The following ARHGAP22 variants were observed in gnomAD, a reference collection of about 807,000 sequenced individuals.
ARHGAP22 encodes Rho GTPase activating protein 22.
Under a neutral mutation model 59.1 loss-of-function variants are expected in ARHGAP22, and 48 were observed. The ratio of observed to expected loss-of-function variants is 0.81; its 90% CI spans 0.64 to 1.03. The LOEUF (loss-of-function observed/expected upper bound fraction) is 1.03. Ranked by LOEUF, ARHGAP22 falls within the 50% of genes least tolerant of loss-of-function variation. The pLI, the probability that ARHGAP22 is intolerant of heterozygous loss-of-function variation, is 0.00. For missense variants in ARHGAP22, 1,015 were observed against 958.7 expected (o/e 1.06, Z -0.78); for synonymous variants, 445 against 416.4 (o/e 1.07, Z -0.84).
At chr10:48,563,762 A>G (rs1260448900) in intron 2 of ARHGAP22, among the ~76,000 whole-genome samples, 1 of 152,232 alleles carries the variant, frequency 6.6e-6, no homozygotes, top group African/African-American at 2.4e-5. Context: ...TGTAAATCTG[A>G]TATGCTATAA....
intron 8 of ARHGAP22, among the ~76,000 whole-genome samples, chr10:48,452,181 G>A (rs1036917519): frequency 6.6e-6 from 1 of 152,162 alleles, no homozygotes; most frequent in Admixed American, 6.5e-5. Flanking sequence ...CAGCGGAGGT[G>A]GGCAGTGCAG....
At chr10:48,581,988 G>A (rs746289213) in intron 2 of ARHGAP22, among the ~76,000 whole-genome samples, 25 of 152,174 alleles carry the variant, frequency 1.6e-4, no homozygotes, top group Non-Finnish European at 3.2e-4. Context: ...AAGTGTCAAA[G>A]GTAGGCTCAC....
At chr10:48,612,615 G>A (rs1283328244) in intron 1 of ARHGAP22, among the ~76,000 whole-genome samples, 1 of 152,204 alleles carries the variant, frequency 6.6e-6, no homozygotes, top group Non-Finnish European at 1.5e-5. Flanking sequence ...TAGGCTCTCT[G>A]TAGCCACTAT....
chr10:48,627,797 C>G (rs1383375922), intron 1 of ARHGAP22, among the ~76,000 whole-genome samples: 1 of 152,226 alleles, frequency 6.6e-6, no homozygotes, highest in East Asian at 1.9e-4. Context: ...TGGGCCCGGC[C>G]TCTGGTGTGG....
chr10:48,531,475 G>A (rs1163641427), intron 3 of ARHGAP22, among the ~76,000 whole-genome samples: 1 of 152,190 alleles, frequency 6.6e-6, no homozygotes, highest in Non-Finnish European at 1.5e-5. Context: ...AAACTTTGGA[G>A]TAGTCTGTTA....
At chr10:48,536,166 C>T (rs2055333535) in intron 3 of ARHGAP22, among the ~76,000 whole-genome samples, 1 of 152,228 alleles carries the variant, frequency 6.6e-6, no homozygotes, top group African/African-American at 2.4e-5. Context: ...CCACACTCTG[C>T]TCAGTCTTGA....
chr10:48,451,695 C>T (rs1404423957), intron 8 of ARHGAP22: 2 of 606,272 alleles, frequency 3.3e-6, no homozygotes, highest in Non-Finnish European at 5.8e-6. Flanking sequence ...GTACAATGCA[C>T]CCCATCCACC....
intron 9 of ARHGAP22, among the ~76,000 whole-genome samples, chr10:48,449,602 G>A (rs1273160296): frequency 5.9e-5 from 9 of 152,240 alleles, no homozygotes. Flanking sequence ...GGACCAAGGA[G>A]TCTGAGATGC....
chr10:48,489,368 C>G (rs1156470633), intron 3 of ARHGAP22, among the ~76,000 whole-genome samples: 5 of 152,142 alleles, frequency 3.3e-5, no homozygotes, highest in Non-Finnish European at 7.4e-5. Flanking sequence ...TGTTGGAATT[C>G]AAACACAGGT....
At chr10:48,642,506 A>C (rs1266149223) in intron 1 of ARHGAP22, among the ~76,000 whole-genome samples, 1 of 152,220 alleles carries the variant, frequency 6.6e-6, no homozygotes, top group African/African-American at 2.4e-5. Context: ...CCTATTTAAT[A>C]AATGGTGCTG....
intron 3 of ARHGAP22, among the ~76,000 whole-genome samples, chr10:48,513,829 CTAGA>C (rs1333902422): frequency 6.6e-6 from 1 of 152,130 alleles, no homozygotes; most frequent in East Asian, 1.9e-4. Flanking sequence ...GTTATACTTA[CTAGA>C]TAAAGTCTTC....
chr10:48,639,712 GAACAATTTAAC>G (rs1335996756), intron 1 of ARHGAP22, among the ~76,000 whole-genome samples: 3 of 152,106 alleles, frequency 2.0e-5, no homozygotes, highest in African/African-American at 7.2e-5. Flanking sequence ...TTAAACAAAT[GAACAATTTAAC>G]AACAACATTA....
intron 2 of ARHGAP22, among the ~76,000 whole-genome samples, chr10:48,565,081 C>A (rs1436971411): frequency 6.6e-6 from 1 of 152,184 alleles, no homozygotes; most frequent in Non-Finnish European, 1.5e-5. Flanking sequence ...AAGATAAGCA[C>A]CCATTACATA....
At chr10:48,635,560 G>A (rs2136120466) in intron 1 of ARHGAP22, among the ~76,000 whole-genome samples, 1 of 152,332 alleles carries the variant, frequency 6.6e-6, no homozygotes, top group South Asian at 2.1e-4. Context: ...ACACCCCTGG[G>A]GTTGCCCTCA....
intron 3 of ARHGAP22, among the ~76,000 whole-genome samples, chr10:48,522,034 G>A (rs1413298189): frequency 6.6e-6 from 1 of 152,218 alleles, no homozygotes; most frequent in African/African-American, 2.4e-5. Flanking sequence ...AGCCAGACTG[G>A]CCACATGGGT....
chr10:48,594,591 T>C (rs2059954639), intron 1 of ARHGAP22, among the ~76,000 whole-genome samples: 1 of 152,202 alleles, frequency 6.6e-6, no homozygotes, highest in African/African-American at 2.4e-5. Flanking sequence ...TCCAACAGTC[T>C]TCCCAGGGGT....
chr10:48,603,575 C>T (rs984731011), intron 1 of ARHGAP22, among the ~76,000 whole-genome samples: 1 of 152,204 alleles, frequency 6.6e-6, no homozygotes, highest in Non-Finnish European at 1.5e-5. Flanking sequence ...GTGGCCAGCT[C>T]ATTACACAGG....
intron 9 of ARHGAP22, among the ~76,000 whole-genome samples, chr10:48,449,824 G>A (rs932825371): frequency 6.6e-6 from 1 of 152,206 alleles, no homozygotes; most frequent in African/African-American, 2.4e-5. Context: ...ATCAAGGAAG[G>A]GGTCCTCACT....
At chr10:48,441,711 C>T (rs1460828701), downstream of ARHGAP22, among the ~76,000 whole-genome samples, 1 of 152,170 alleles carries the variant, frequency 6.6e-6, no homozygotes, top group Non-Finnish European at 1.5e-5. Flanking sequence ...CTCAGCCTCC[C>T]AAAGTGCTGG....
Sources: allele counts gnomAD v4.1 joint callset (sites outside exome capture counted in the v4.1 genomes callset), GRCh38; gene constraint gnomAD v4.1.1; transcripts MANE v1.5; gene names NCBI Gene and HGNC (gene_info 2026-07-23, HGNC 2026-07-21).